The following TTC39C variants were observed in gnomAD, a reference collection of about 807,000 sequenced individuals.
TTC39C encodes the protein tetratricopeptide repeat protein 39C.
A neutral mutation model predicts 76.3 loss-of-function variants in TTC39C; 33 were observed. The observed-to-expected ratio is 0.43, with a 90% CI of 0.33 to 0.58. The LOEUF (loss-of-function observed/expected upper bound fraction) is 0.58. Ranked by LOEUF, TTC39C falls within the 20% of genes least tolerant of loss-of-function variation. The pLI is 0.04. For missense variants in TTC39C, 595 were observed against 701.4 expected, an observed-to-expected ratio of 0.85 and a Z score of 1.71; for synonymous variants, 254 against 260.6, an observed-to-expected ratio of 0.97 and a Z score of 0.24.
At chr18:24,058,432 A>G (rs561515652) in intron 1 of TTC39C, among the ~76,000 whole-genome samples, 10 of 152,302 alleles carry the variant, frequency 6.6e-5, no homozygotes, top group African/African-American at 2.4e-4. Flanking sequence ...AGGCAGGTGG[A>G]TCACTTGAAG....
chr18:23,999,477 T>C (rs2083295114), intron 1 of TTC39C, among the ~76,000 whole-genome samples: 1 of 152,226 alleles, frequency 6.6e-6, no homozygotes, highest in African/African-American at 2.4e-5. Flanking sequence ...GCGGGTCCTC[T>C]GTGGATTCAA....
At position 24,030,648 on chromosome 18, in the gene TTC39C, C is replaced by CTT. The variant is rs1167104790; in HGVS notation, c.167+15630_167+15631dup. 6.8e-3 allele frequency among the ~76,000 whole-genome samples: 603 copies of CTT among 89,010 alleles called. 43 individuals are homozygous for CTT. Among genetic ancestry groups the CTT allele is most frequent in the African/African-American group, 0.023 (569 of 24,230 alleles). The allele number at this position is 89,010 out of a possible 152,430, so 58.4% of individuals were successfully genotyped here. A position where few individuals can be genotyped will look rare whatever the true frequency, so the allele number is the denominator to read the frequency against. On this transcript the variant is annotated intron_variant, in intron 1 of 13. Transcript: ENST00000317571. ...TCTCTCAACAGCCCCAAAGATAGGC[C>CTT]TTTTTTTTTTTTTTTTTTTTTGAGA... is the stretch of plus-strand genomic sequence containing the variant.
rs182111471 is a variant in TTC39C at position 24,101,394 on chromosome 18, G to A, written c.985-13160G>A. On this transcript the variant is annotated intron_variant, in intron 6 of 13. Transcript: ENST00000317571. ...AGGCCAAGGCGGGCGTTATCACCAGGTCAAGAGATCGAGACCATCCTGGCC... is the reference window on the plus strand; with the variant it reads ...AGGCCAAGGCGGGCGTTATCACCAGATCAAGAGATCGAGACCATCCTGGCC... Among the ~76,000 whole-genome samples, 873 of 151,902 alleles carry A rather than the reference G, an allele frequency of 5.7e-3. 14 individuals carry two copies. Among genetic ancestry groups the A allele is most frequent in the South Asian group, 0.023 (111 of 4,806 alleles).
At position 24,082,978 on chromosome 18, in the gene TTC39C, A is replaced by G; in HGVS notation, c.881A>G (p.Lys294Arg). ...TTTGCCTTGGATGGCAGTGATAACA[A>G]GGCAGGCCTGGATGAAGCTAAGGAA... ...PFFALDGSDNKAGLDEAKEIL... is the reference protein window; with the variant it reads ...PFFALDGSDNRAGLDEAKEIL... Residue 294 changes from lysine to arginine, a missense_variant, in exon 6 of 14, where the codon AAG (lysine) becomes AGG (arginine). Transcript: ENST00000317571. 1 of 1,614,150 alleles carries G rather than the reference A, an allele frequency of 6.2e-7. No individual in the cohort carries two copies. The highest frequency in any genetic ancestry group is 2.2e-5 in the East Asian group (1 of 44,884).
At chr18:24,047,940 A>T (rs1355888932) in intron 1 of TTC39C, among the ~76,000 whole-genome samples, 1 of 152,332 alleles carries the variant, frequency 6.6e-6, no homozygotes, top group Admixed American at 6.5e-5. Context: ...ATGTACTCAT[A>T]AAAATTAAAA....
At chr18:23,994,303 T>C (rs2083242441) in intron 1 of TTC39C, 1 of 130,348 alleles carries the variant, frequency 7.7e-6, no homozygotes, top group Non-Finnish European at 1.5e-5. Flanking sequence ...TAAAATCAAT[T>C]GTAGTAACCA....
At position 24,014,798 on chromosome 18, in the gene TTC39C, G is replaced by T; in HGVS notation, c.-74G>T. 1.7e-6 allele frequency: 2 copies of T among 1,193,068 alleles called. No homozygotes were observed. The highest frequency in any genetic ancestry group is 2.1e-6 in the Non-Finnish European group (2 of 958,764). 73.9% of individuals were successfully genotyped at this position (1,193,068 alleles called of 1,614,324 possible). A position where few individuals can be genotyped will look rare whatever the true frequency, so the allele number is the denominator to read the frequency against. On this transcript the variant is annotated 5_prime_UTR_variant, in exon 1 of 14. Transcript: ENST00000317571. ...GCTTGGCTCCGGGCAGGTAGAGCCG[G>T]GCTCCGGGCGCGCGCGGGGCCGCAG...
At chr18:24,065,546 T>G (rs1477891136) in intron 2 of TTC39C, among the ~76,000 whole-genome samples, 1 of 152,224 alleles carries the variant, frequency 6.6e-6, no homozygotes, top group Admixed American at 6.5e-5. Flanking sequence ...GTGAACCTAC[T>G]GGAATTGCAG....
intron 6 of TTC39C, among the ~76,000 whole-genome samples, chr18:24,106,675 G>A (rs1225397669): frequency 6.6e-6 from 1 of 152,112 alleles, no homozygotes; most frequent in African/African-American, 2.4e-5. Context: ...GCAGACTGAT[G>A]GACAGCCATG....
rs149668574 is a variant in TTC39C at position 23,998,567 on chromosome 18, A to G, written c.-17+5529A>G. Among the ~76,000 whole-genome samples the G allele has an allele frequency of 5.8e-3, 880 of 152,212 alleles. 10 individuals are homozygous for G. The highest frequency in any genetic ancestry group is 0.02 in the African/African-American group (839 of 41,532). ...GGAGGTTGCAGTGAGCTGAGATTGC[A>G]CCACTGCACTCCAGCCCGGGTGACA... On this transcript the variant is annotated intron_variant, in intron 1 of 13. Coordinates refer to the TTC39C transcript ENST00000304621.
intron 1 of TTC39C, among the ~76,000 whole-genome samples, chr18:24,049,821 G>A (rs946135719): frequency 8.5e-5 from 13 of 152,174 alleles, no homozygotes; most frequent in Admixed American, 8.5e-4. Context: ...ATGGAAACAC[G>A]GAATGGAAAC....
chr18:24,005,679 C>G (rs2083345922), intron 1 of TTC39C, among the ~76,000 whole-genome samples: 1 of 146,352 alleles, frequency 6.8e-6, no homozygotes, highest in African/African-American at 2.5e-5. Flanking sequence ...GACCCTGTCT[C>G]TAAAAAAAAA....
At chr18:24,034,612 C>T (rs1356587551) in intron 1 of TTC39C, among the ~76,000 whole-genome samples, 1 of 148,542 alleles carries the variant, frequency 6.7e-6, no homozygotes, top group Non-Finnish European at 1.5e-5. Flanking sequence ...CAAATGGAAA[C>T]TTTGTACCCA....
chr18:24,044,708 A>G lies in TTC39C; in HGVS notation c.168-19432A>G, dbSNP rs139477224. On this transcript the variant is annotated intron_variant, in intron 1 of 13. Transcript: ENST00000317571. ...GAAAACGAAGACGTACCTGTGGGGA[A>G]AGGATCTTAAATTCAGTTTAACAGA... Among the ~76,000 whole-genome samples, 187 of 152,348 alleles carry G rather than the reference A, an allele frequency of 1.2e-3. 1 individual carries two copies. The East Asian group carries it at 0.032, about 26-fold the overall frequency.
At chr18:24,011,017 C>G (rs1406297515), upstream of TTC39C, among the ~76,000 whole-genome samples, 4 of 152,160 alleles carry the variant, frequency 2.6e-5, no homozygotes, top group Non-Finnish European at 5.9e-5. Context: ...CCCTGCATTC[C>G]AGCCTGGGTA....
At chr18:24,022,501 G>C in intron 1 of TTC39C, 1 of 952,636 alleles carries the variant, frequency 1.0e-6, no homozygotes. Flanking sequence ...CATGGCTCCA[G>C]AGTCTGGGTG....
At chr18:24,117,826 G>A (rs1418365012) in intron 7 of TTC39C, among the ~76,000 whole-genome samples, 1 of 152,138 alleles carries the variant, frequency 6.6e-6, no homozygotes, top group East Asian at 1.9e-4. Context: ...CTGTGCTTGG[G>A]TTAGCCTCAC....
At chr18:24,019,548 A>G (rs2083494279) in intron 1 of TTC39C, among the ~76,000 whole-genome samples, 1 of 152,230 alleles carries the variant, frequency 6.6e-6, no homozygotes, top group Non-Finnish European at 1.5e-5. Context: ...TGTTTAACAC[A>G]GTTTTTGGCG....
chr18:24,023,575 C>T (rs188726554), intron 1 of TTC39C, among the ~76,000 whole-genome samples: 2 of 152,258 alleles, frequency 1.3e-5, no homozygotes, highest in Non-Finnish European at 2.9e-5. Flanking sequence ...GGGACTTGTG[C>T]TTCTCCCATC....
Sources: allele counts gnomAD v4.1 joint callset (sites outside exome capture counted in the v4.1 genomes callset), GRCh38; gene constraint gnomAD v4.1.1; transcripts MANE v1.5; gene names NCBI Gene and HGNC (gene_info 2026-07-23, HGNC 2026-07-21).